KNDC1: variants seen among roughly 807,000 people sequenced by gnomAD.
KNDC1 encodes kinase non-catalytic C-lobe domain-containing protein 1.
KNDC1 carries 106 observed loss-of-function variants against 172.8 expected under a neutral mutation model. That is an observed-to-expected ratio of 0.61 (90% CI 0.52 to 0.72). The LOEUF is 0.72. Ranked by LOEUF, KNDC1 falls within the 30% of genes least tolerant of loss-of-function variation. KNDC1 has a pLI of 0.00. For synonymous variants in KNDC1, 1,083 were observed against 1,062.2 expected (o/e 1.02, Z -0.38); for missense variants, 2,325 against 2,394.5 (o/e 0.97, Z 0.61).
At chr10:133,200,323 G>C in intron 15 of KNDC1, 52 bp from the exon 16 acceptor site, 1 of 1,370,200 alleles carries the variant, frequency 7.3e-7, no homozygotes, top group Non-Finnish European at 9.9e-7. Context: ...TGGAGACTGT[G>C]GCCTCCTCCC....
intron 3 of KNDC1, among the ~76,000 whole-genome samples, chr10:133,179,730 G>A (rs1853660822): frequency 6.6e-6 from 1 of 152,164 alleles, no homozygotes; most frequent in African/African-American, 2.4e-5. Context: ...CATCGCGATC[G>A]CAGGCGCCGT....
chr10:133,198,266 G>C (rs1854249249), intron 12 of KNDC1, 71 bp from the exon 13 acceptor site: 2 of 1,457,296 alleles, frequency 1.4e-6, no homozygotes, highest in Non-Finnish European at 1.8e-6. Context: ...CACTGGGTGG[G>C]ATGAGCCGGT....
rs1306184214 is a variant in KNDC1, at chr10:133,198,403, C to T, written c.1973C>T (p.Pro658Leu). ...AVPGPVPGQH[P>L]CGEEATQLPA... ...CCAGGGCCCGTGCCCGGCCAGCACC[C>T]CTGCGGTGAAGAAGCCACCCAGCTG... Residue 658 changes from proline (P) to leucine (L), a missense_variant, in exon 13 of 30, where the codon CCC (proline) becomes CTC (leucine). Transcript: ENST00000304613. 1 of 1,600,870 alleles carries T rather than the reference C, an allele frequency of 6.2e-7. No individual in the cohort carries two copies. The highest frequency in any genetic ancestry group is 2.3e-5 in the East Asian group (1 of 44,282).
At chr10:133,191,536 C>T (rs1854070995) in intron 9 of KNDC1, among the ~76,000 whole-genome samples, 1 of 152,126 alleles carries the variant, frequency 6.6e-6, no homozygotes, top group African/African-American at 2.4e-5. Flanking sequence ...CTCATCTCTA[C>T]TAAAAATACA....
intron 26 of KNDC1, among the ~76,000 whole-genome samples, chr10:133,216,064 C>T (rs1272880067): frequency 2.6e-5 from 4 of 152,192 alleles, no homozygotes; most frequent in African/African-American, 9.7e-5. Context: ...GCTGTGAGGT[C>T]GGAACAATCC....
chr10:133,220,037 T>C lies in KNDC1; in HGVS notation c.4943T>C (p.Leu1648Pro). 1 of 1,558,452 alleles carries C rather than the reference T, an allele frequency of 6.4e-7. No individual in the cohort carries two copies. The highest frequency in any genetic ancestry group is 8.7e-7 in the Non-Finnish European group (1 of 1,151,186). Residue 1648 changes from leucine to proline, a missense_variant, in exon 29 of 30, where the codon CTG becomes CCG. Transcript: ENST00000304613. ...CCCACCCTGCCCTCGGCCCACCTCC[T>C]GGCCATGCACATCCAGCAGCTGGAG... Reference protein sequence around the residue: ...AQPTLPSAHLLAMHIQQLETG... With the variant: ...AQPTLPSAHLPAMHIQQLETG...
chr10:133,189,598 C>T lies in KNDC1; in HGVS notation c.1442C>T (p.Ala481Val), dbSNP rs574887517. The T allele has an allele frequency of 1.9e-5, 30 of 1,613,278 alleles. 1 individual carries two copies. In the South Asian group the frequency reaches 2.6e-4, roughly 14 times the overall value. Residue 481 changes from alanine (A) to valine (V), a missense_variant and splice_region_variant, in exon 8 of 30, where the codon GCC becomes GTC. By Grantham distance (64) the Ala-to-Val change is moderately conservative (BLOSUM62 0). Coordinates refer to ENST00000304613, the MANE Select transcript of KNDC1 (RefSeq NM_152643.8). ...RALQTRPEHP[A>V]YLCLDSVLVA... is the part of the protein sequence containing the mutation. The stretch of plus-strand genomic sequence containing the variant: ...CGCCCTGACCCAAGCTCTGCCACAG[C>T]CTACCTGTGTCTGGACTCCGTGCTG...
In KNDC1 at chr10:133,167,583, AGGCGGC is replaced by A. The variant is rs775040738; in HGVS notation, c.301+7_301+12del. 4.4e-6 allele frequency: 7 copies of A among 1,579,244 alleles called. No individual in the cohort carries two copies. Among genetic ancestry groups the A allele is most frequent in the Non-Finnish European group, 6.0e-6 (7 of 1,162,962 alleles). ...TGTTTCATGGAGCAGCTCAGCGGTGAGGCGGCGGTGGCGGTGGCGGCGGCGGCGGGC... is the reference window on the plus strand; with the variant it reads ...TGTTTCATGGAGCAGCTCAGCGGTGAGGTGGCGGTGGCGGCGGCGGCGGGC... On this transcript the variant is annotated splice_donor_5th_base_variant and intron_variant, in intron 2 of 29. Coordinates refer to ENST00000304613, the MANE Select transcript of KNDC1 (RefSeq NM_152643.8).
At chr10:133,177,911 T>C (rs1160630755) in intron 3 of KNDC1, among the ~76,000 whole-genome samples, 1 of 92,890 alleles carries the variant, frequency 1.1e-5, no homozygotes, top group African/African-American at 3.9e-5. Context: ...GTGCAGTGTG[T>C]GTGTGCAAGC....
intron 3 of KNDC1, among the ~76,000 whole-genome samples, chr10:133,180,200 C>G (rs963381348): frequency 1.3e-5 from 2 of 152,256 alleles, no homozygotes; most frequent in Non-Finnish European, 2.9e-5. Context: ...TCTCCTGACC[C>G]CCGCGGGCAG....
intron 17 of KNDC1, among the ~76,000 whole-genome samples, chr10:133,204,162 A>G (rs1854457907): frequency 6.6e-6 from 1 of 152,192 alleles, no homozygotes; most frequent in South Asian, 2.1e-4. Context: ...CTCAGAAGCC[A>G]GGACCAGGTG....
At chr10:133,198,549 G>GC in intron 13 of KNDC1, 29 bp from the exon 14 acceptor site, 2 of 1,578,324 alleles carry the variant, frequency 1.3e-6, no homozygotes, top group Non-Finnish European at 1.7e-6. Flanking sequence ...GGCGCAGGCA[G>GC]CCCCTCCTGA....
At position 133,197,874 on chromosome 10, in the gene KNDC1, C is replaced by T. The variant is rs150608726; in HGVS notation, c.1906+106C>T. 4.6e-4 allele frequency: 435 copies of T among 952,368 alleles called. 2 individuals carry two copies. The highest frequency in any genetic ancestry group is 1.6e-3 in the African/African-American group (96 of 61,708). 59.0% of individuals were successfully genotyped at this position (952,368 alleles called of 1,614,324 possible). A position where few individuals can be genotyped will look rare whatever the true frequency, so the allele number is the denominator to read the frequency against. ...CACAGCCGGGCACCTCTCGGAAACC[C>T]GGGAAGCAAGTCCAGAGCTCGGCCA... On this transcript the variant is annotated intron_variant, in intron 12 of 29. Transcript: ENST00000304613.
At chr10:133,188,712 C>A in intron 7 of KNDC1, 59 bp downstream of exon 7, 1 of 822,958 alleles carries the variant, frequency 1.2e-6, no homozygotes, top group Middle Eastern at 4.2e-4. Flanking sequence ...CTGTTCCACC[C>A]CCCACCGCCG....
At position 133,199,503 on chromosome 10, in the gene KNDC1, G is replaced by A. The variant is rs776849157; in HGVS notation, c.2804G>A (p.Cys935Tyr). Residue 935 changes from cysteine (C) to tyrosine (Y), a missense_variant, in exon 15 of 30, where the codon TGT becomes TAT. Coordinates refer to ENST00000304613, the MANE Select transcript of KNDC1 (RefSeq NM_152643.8). ...AAAGATCTCACCTTTGCCACTTTCT[G>A]TGGCGCCATTTCCGAGAAGTTCTGT... ...ALKDLTFATFCGAISEKFCDL... is the reference protein window; with the variant it reads ...ALKDLTFATFYGAISEKFCDL... 6.2e-7 allele frequency: 1 copy of A among 1,613,960 alleles called. No individual in the cohort carries two copies. Among genetic ancestry groups the A allele is most frequent in the Non-Finnish European group, 8.5e-7 (1 of 1,180,002 alleles).
chr10:133,207,437 C>G, intron 20 of KNDC1, 86 bp downstream of exon 20: 1 of 1,272,320 alleles, frequency 7.9e-7, no homozygotes, highest in South Asian at 1.3e-5. Flanking sequence ...CGCCAGTCAG[C>G]TAGGCTGGGT....
At position 133,168,292 on chromosome 10, in the gene KNDC1, G is replaced by A. The variant is rs557644848; in HGVS notation, c.340G>A (p.Val114Met). The part of the protein sequence containing the change: ...EGAFVPPEFD[V>M]TGNTFEAHIY... ...TGCCTTCGTTCCCCCCGAGTTCGAC[G>A]TGACCGGGAACACCTTTGAGGTAAG... The change falls in exon 3 of 30, where the codon GTG (valine) becomes ATG (methionine). Residue 114 changes from valine to methionine, a missense_variant. Physicochemically the swap from Val to Met is conservative, Grantham distance 21. Transcript: ENST00000304613. 31 of 1,614,148 alleles carry A rather than the reference G, an allele frequency of 1.9e-5. 1 individual carries two copies. Among genetic ancestry groups the A allele is most frequent in the South Asian group, 9.9e-5 (9 of 91,080 alleles).
intron 9 of KNDC1, among the ~76,000 whole-genome samples, chr10:133,192,841 T>C (rs1446752746): frequency 6.6e-6 from 1 of 152,062 alleles, no homozygotes; most frequent in Non-Finnish European, 1.5e-5. Flanking sequence ...ATCAAAATCC[T>C]GGAAAGAGAA....
intron 20 of KNDC1, among the ~76,000 whole-genome samples, chr10:133,208,261 GC>G (rs1272301354): frequency 0.014 from 1,646 of 117,340 alleles, 9 homozygotes; most frequent in Non-Finnish European, 0.019. Context: ...GAGGGACGTG[GC>G]CCCCCCAACC....
Sources: gnomAD v4.1 joint callset for allele counts (sites outside exome capture counted in the v4.1 genomes callset) on GRCh38, gnomAD v4.1.1 for gene constraint, MANE v1.5 for transcripts, NCBI Gene and HGNC (gene_info 2026-07-23, HGNC 2026-07-21) for gene names.